The following SH3BP5 variants were observed in gnomAD, a reference collection of about 807,000 sequenced individuals.
The protein encoded by SH3BP5 is SH3 domain binding protein 5, also known as SH3 domain-binding protein 5.
Under a neutral mutation model 43.3 loss-of-function variants are expected in SH3BP5, and 22 were observed. The ratio of observed to expected loss-of-function variants is 0.51; its 90% CI spans 0.36 to 0.73. SH3BP5 has a LOEUF of 0.73. Among genes scored for constraint, SH3BP5 ranks in the 30% least tolerant of loss-of-function variants. The pLI is 0.00. For synonymous variants in SH3BP5, 255 were observed against 225.8 expected (o/e 1.13, Z -1.16); for missense variants, 529 against 586.9 (o/e 0.90, Z 1.02).
At chr3:15,277,485 G>C (rs1381850487) in intron 3 of SH3BP5, among the ~76,000 whole-genome samples, 1 of 152,160 alleles carries the variant, frequency 6.6e-6, no homozygotes, top group Non-Finnish European at 1.5e-5. Context: ...AAGGCCTGCT[G>C]CTGTAGGAGC....
Position 15,320,640 on chromosome 3 carries a change from A to ACACACACACC in SH3BP5, c.201+9863_201+9864insGGTGTGTGTG, listed in dbSNP as rs373879792. On this transcript the variant is annotated intron_variant, in intron 2 of 8. Coordinates refer to ENST00000383791, the MANE Select transcript of SH3BP5 (RefSeq NM_004844.5). ...CACACACACACACACACACACACACACCCCACTACGTTAAAGTCCCTACAA... is the reference window on the plus strand; with the variant it reads ...CACACACACACACACACACACACACACACACACACCCCCCACTACGTTAAAGTCCCTACAA... Among the ~76,000 whole-genome samples the ACACACACACC allele has an allele frequency of 2.9e-3, 441 of 149,650 alleles. 7 individuals are homozygous for ACACACACACC. The highest frequency in any genetic ancestry group is 9.9e-3 in the African/African-American group (398 of 40,300).
intron 2 of SH3BP5, among the ~76,000 whole-genome samples, chr3:15,314,262 G>A (rs1468231249): frequency 6.6e-6 from 1 of 151,834 alleles, no homozygotes; most frequent in African/African-American, 2.4e-5. Context: ...AAATAGCTGC[G>A]TGTGGCTAGT....
intron 2 of SH3BP5, among the ~76,000 whole-genome samples, chr3:15,318,772 A>T (rs186294832): frequency 6.6e-6 from 1 of 152,292 alleles, no homozygotes; most frequent in East Asian, 1.9e-4. Context: ...GGGTTTCGCC[A>T]TGTTAGCCAA....
At chr3:15,323,666 T>A (rs992613002) in intron 2 of SH3BP5, among the ~76,000 whole-genome samples, 5 of 152,098 alleles carry the variant, frequency 3.3e-5, no homozygotes, top group African/African-American at 9.7e-5. Context: ...TATCACCTGA[T>A]GTCAAGACAG....
At chr3:15,307,482 C>T (rs1158125804) in intron 2 of SH3BP5, among the ~76,000 whole-genome samples, 11 of 152,222 alleles carry the variant, frequency 7.2e-5, no homozygotes. Context: ...CTCTATGAAC[C>T]ATTTGTATTA....
intron 3 of SH3BP5, among the ~76,000 whole-genome samples, chr3:15,301,658 A>C (rs1697756823): frequency 6.6e-6 from 1 of 152,054 alleles, no homozygotes; most frequent in Non-Finnish European, 1.5e-5. Context: ...CCTGAAGATG[A>C]GGAAATCGGG....
Position 15,262,264 on chromosome 3 carries a change from G to A in SH3BP5, c.521C>T (p.Thr174Ile). The stretch of plus-strand genomic sequence containing the variant: ...CTCCTTATGCACCAGCTCGCTCCTG[G>A]TCTTGGTCTGCTCCGCCTCCATGAC... ...QRVMEAEQTKTRSELVHKETA... is the reference protein window; with the variant it reads ...QRVMEAEQTKIRSELVHKETA... The change falls in exon 5 of 9, where the codon ACC (threonine) becomes ATC (isoleucine). Residue 174 changes from threonine to isoleucine, a missense_variant. Coordinates refer to ENST00000383791, the MANE Select transcript of SH3BP5 (RefSeq NM_004844.5). The A allele has an allele frequency of 1.2e-6, 2 of 1,614,170 alleles. No individual in the cohort carries two copies. The highest frequency in any genetic ancestry group is 1.3e-5 in the African/African-American group (1 of 75,040).
chr3:15,324,251 C>T (rs1268603553), intron 2 of SH3BP5, among the ~76,000 whole-genome samples: 2 of 152,206 alleles, frequency 1.3e-5, no homozygotes, highest in Non-Finnish European at 2.9e-5. Flanking sequence ...CAGGCCTCAA[C>T]TCTGATGCCC....
chr3:15,327,038 T>A (rs1282989613), intron 2 of SH3BP5, among the ~76,000 whole-genome samples: 1 of 152,202 alleles, frequency 6.6e-6, no homozygotes, highest in African/African-American at 2.4e-5. Flanking sequence ...ATTCACTAAT[T>A]CAGTGTTCAC....
intron 3 of SH3BP5, among the ~76,000 whole-genome samples, chr3:15,274,993 T>C (rs1696923473): frequency 6.6e-6 from 1 of 152,158 alleles, no homozygotes; most frequent in Non-Finnish European, 1.5e-5. Flanking sequence ...ACATCGCTGA[T>C]TACAATTCGA....
chr3:15,291,452 C>A (rs1697410663), intron 3 of SH3BP5, among the ~76,000 whole-genome samples: 1 of 151,928 alleles, frequency 6.6e-6, no homozygotes, highest in African/African-American at 2.4e-5. Flanking sequence ...TTCAGGTAAA[C>A]AATTTTTTTA....
chr3:15,298,960 G>A (rs1295661349), intron 3 of SH3BP5, among the ~76,000 whole-genome samples: 1 of 150,970 alleles, frequency 6.6e-6, no homozygotes, highest in Non-Finnish European at 1.5e-5. Context: ...TAAAATGGGG[G>A]AGAGGCAAAA....
chr3:15,290,310 C>T (rs913763665), intron 3 of SH3BP5, among the ~76,000 whole-genome samples: 1 of 151,902 alleles, frequency 6.6e-6, no homozygotes, highest in South Asian at 2.1e-4. Flanking sequence ...GGGCAGATCA[C>T]GAGGTCAGGA....
Position 15,256,350 on chromosome 3 carries a change from CCT to C in SH3BP5, c.1151-49_1151-48del, listed in dbSNP as rs765259413. On this transcript the variant is annotated intron_variant, in intron 8 of 8. Transcript: ENST00000383791. ...CAAAAGTGAGTATTGACAATTCTGC[CCT>C]GTCTCCTATAGAAATACAAAGATTA... The C allele has an allele frequency of 1.2e-5, 19 of 1,560,196 alleles. No homozygotes were observed. The Admixed American group carries it at 1.4e-4, about 11-fold the overall frequency.
At chr3:15,324,125 C>T (rs1381693569) in intron 2 of SH3BP5, among the ~76,000 whole-genome samples, 1 of 152,200 alleles carries the variant, frequency 6.6e-6, no homozygotes, top group African/African-American at 2.4e-5. Context: ...GTCCTGTTAA[C>T]ACTCCACCTC....
intron 2 of SH3BP5, among the ~76,000 whole-genome samples, chr3:15,324,294 G>A (rs941157811): frequency 2.0e-5 from 3 of 152,160 alleles, no homozygotes; most frequent in Admixed American, 2.0e-4. Context: ...CTCTCAAAGG[G>A]CCCTGAGTGA....
chr3:15,332,500 G>C lies in SH3BP5; in HGVS notation c.-92C>G. ...GCTGGGCTGGAGCCGCCTCGCCACAGCCGGGCACGGTCGGGGAGCCGCCGG... is the reference window on the plus strand; with the variant it reads ...GCTGGGCTGGAGCCGCCTCGCCACACCCGGGCACGGTCGGGGAGCCGCCGG... On this transcript the variant is annotated 5_prime_UTR_variant, in exon 1 of 9. Transcript: ENST00000383791. 1 of 1,309,626 alleles carries C rather than the reference G, an allele frequency of 7.6e-7. No individual in the cohort carries two copies. Among genetic ancestry groups the C allele is most frequent in the Non-Finnish European group, 9.7e-7 (1 of 1,035,018 alleles). The allele number at this position is 1,309,626 out of a possible 1,614,324, so 81.1% of individuals were successfully genotyped here. A position where few individuals can be genotyped will look rare whatever the true frequency, so the allele number is the denominator to read the frequency against.
chr3:15,258,125 G>A (rs1007908617), intron 7 of SH3BP5: 2 of 152,202 alleles, frequency 1.3e-5, no homozygotes, highest in Non-Finnish European at 2.9e-5. Flanking sequence ...AATATTTGTT[G>A]AAGGAATTAA....
chr3:15,329,673 C>T (rs1390979276), intron 2 of SH3BP5, among the ~76,000 whole-genome samples: 4 of 152,230 alleles, frequency 2.6e-5, no homozygotes, highest in African/African-American at 7.2e-5. Context: ...CTGACGTTTG[C>T]TATTTCTCCT....
Sources: allele counts gnomAD v4.1 joint callset (sites outside exome capture counted in the v4.1 genomes callset), GRCh38; gene constraint gnomAD v4.1.1; transcripts MANE v1.5; gene names NCBI Gene and HGNC (gene_info 2026-07-23, HGNC 2026-07-21).